Variants in MYO1C observed in about 807,000 individuals in gnomAD.
MYO1C encodes unconventional myosin-Ic.
MYO1C carries 104 observed loss-of-function variants against 150.8 expected under a neutral mutation model. The observed-to-expected ratio is 0.69, with a 90% CI of 0.59 to 0.81. The LOEUF is 0.81. MYO1C is among the 30% of genes least tolerant of loss of function. The probability of loss-of-function intolerance (pLI) is 0.00; values close to 1 mark genes in which losing one functional copy is unlikely to be tolerated. For synonymous variants in MYO1C, 663 were observed against 579.9 expected (o/e 1.14, Z -2.06); for missense variants, 1,504 against 1,435.0 (o/e 1.05, Z -0.78).
intron 25 of MYO1C, chr17:1,469,230 C>A: frequency 2.3e-6 from 1 of 433,308 alleles, no homozygotes; most frequent in South Asian, 2.1e-5. Flanking sequence ...TACGGTAGAC[C>A]GGGGTCAATA....
chr17:1,469,268 G>C (rs1041247729), intron 25 of MYO1C: 4 of 509,224 alleles, frequency 7.9e-6, no homozygotes, highest in Non-Finnish European at 1.1e-5. Context: ...ACAGTAGATT[G>C]CGGTAAATAG....
At chr17:1,476,797 T>A (rs920407397) in intron 14 of MYO1C, among the ~76,000 whole-genome samples, 9 of 151,710 alleles carry the variant, frequency 5.9e-5, no homozygotes, top group African/African-American at 2.2e-4. Context: ...AGTTTCATTC[T>A]CAAACAAGAA....
intron 1 of MYO1C, among the ~76,000 whole-genome samples, chr17:1,490,192 C>G (rs7218128): frequency 6.6e-6 from 1 of 151,510 alleles, no homozygotes; most frequent in Non-Finnish European, 1.5e-5. Context: ...CAAGTAGTCA[C>G]GACCTGCTAA....
chr17:1,466,855 G>A (rs922354246), intron 31 of MYO1C, among the ~76,000 whole-genome samples: 1 of 151,816 alleles, frequency 6.6e-6, no homozygotes, highest in African/African-American at 2.4e-5. Context: ...TCGAACTCCT[G>A]ATCTCGGGTG....
chr17:1,486,032 G>C (rs932255070), intron 1 of MYO1C: 1 of 152,564 alleles, frequency 6.6e-6, no homozygotes, highest in Non-Finnish European at 1.5e-5. Flanking sequence ...CGGCCGCCGC[G>C]TCTACACCGA....
rs140794995 is a variant in MYO1C, at chr17:1,470,661, G to C, written c.2241C>G (p.Gly747=). 53 of 1,609,250 alleles carry C rather than the reference G, an allele frequency of 3.3e-5. 1 individual carries two copies. In the African/African-American group the frequency reaches 6.5e-4, roughly 20 times the overall value. The change falls in exon 22 of 32, where the codon GGC becomes GGG. Residue 747 remains glycine, a synonymous_variant. Transcript: ENST00000648651. ...GGAGGAATTTCTGCCGCCAGTGAAA[G>C]CCCCTCCAGGCAGCTTGGATCTTTG... ...LATKIQAAWR[G]FHWRQKFLRV...
chr17:1,489,758 C>T (rs989342129), intron 1 of MYO1C, among the ~76,000 whole-genome samples: 1 of 151,860 alleles, frequency 6.6e-6, no homozygotes, highest in African/African-American at 2.4e-5. Flanking sequence ...AGTAAACGGC[C>T]CAGGAGCGGT....
At chr17:1,473,491 G>A (rs1379413875) in intron 17 of MYO1C, among the ~76,000 whole-genome samples, 1 of 150,908 alleles carries the variant, frequency 6.6e-6, no homozygotes, top group Non-Finnish European at 1.5e-5. Context: ...CAGCGGGCAG[G>A]GGCACAGTGA....
intron 1 of MYO1C, among the ~76,000 whole-genome samples, chr17:1,487,479 C>G (rs971881392): frequency 6.6e-6 from 1 of 152,156 alleles, no homozygotes; most frequent in East Asian, 1.9e-4. Context: ...TGCAACAACC[C>G]GGCCGGAGCG....
intron 25 of MYO1C, chr17:1,468,791 C>T (rs2074235906): frequency 5.8e-6 from 3 of 514,986 alleles, no homozygotes; most frequent in East Asian, 3.5e-5. Flanking sequence ...GACTCAGCTC[C>T]AGCTTGGGGT....
chr17:1,487,658 C>T (rs1348260297), intron 1 of MYO1C, among the ~76,000 whole-genome samples: 10 of 152,168 alleles, frequency 6.6e-5, no homozygotes, highest in Admixed American at 1.3e-4. Flanking sequence ...TGGCTCACGC[C>T]TGTAATCCCA....
intron 14 of MYO1C, 127 bp from the exon 15 acceptor site, chr17:1,475,159 G>GGCT: frequency 1.1e-6 from 1 of 900,178 alleles, no homozygotes; most frequent in Non-Finnish European, 1.8e-6. Flanking sequence ...AGTGGCTCAC[G>GGCT]GCTGTAATCC....
intron 1 of MYO1C, among the ~76,000 whole-genome samples, chr17:1,488,733 CAT>C (rs2074696496): frequency 6.6e-6 from 1 of 152,222 alleles, no homozygotes; most frequent in Non-Finnish European, 1.5e-5. Context: ...TATTATGTCA[CAT>C]GTGGGCTTTA....
Position 1,474,579 on chromosome 17 carries a change from A to AC in MYO1C, c.1797+30dup, listed in dbSNP as rs769816956. On this transcript the variant is annotated intron_variant, in intron 17 of 31. Coordinates refer to ENST00000648651, the MANE Select transcript of MYO1C (RefSeq NM_001080779.2). The stretch of plus-strand genomic sequence containing the variant: ...CCCTCATGCACACTCAGGCGCATGC[A>AC]CCCCTGCGCCCGGTCCCGCCACCTC... The AC allele has an allele frequency of 3.3e-4, 522 of 1,602,570 alleles. 1 individual carries two copies. Among genetic ancestry groups the AC allele is most frequent in the Non-Finnish European group, 3.3e-4 (382 of 1,171,508 alleles).
intron 14 of MYO1C, 55 bp downstream of exon 14, chr17:1,477,450 G>A (rs1382543707): frequency 7.2e-6 from 11 of 1,523,670 alleles, no homozygotes; most frequent in Admixed American, 3.4e-5. Flanking sequence ...CCTGCACTCC[G>A]CAGGCTCTGC....
chr17:1,476,914 C>T lies in MYO1C; in HGVS notation c.1574+591G>A, dbSNP rs1395663970. Among the ~76,000 whole-genome samples the T allele has an allele frequency of 3.3e-5, 5 of 151,974 alleles. No homozygotes were observed. In the East Asian group the frequency reaches 9.6e-4, roughly 29 times the overall value. On this transcript the variant is annotated intron_variant, in intron 14 of 31. Transcript: ENST00000648651. ...AGGGCAGTGGTGCGATCTCGGCTCA[C>T]TGCAACCTGCACCTCCCGGGTTCGA...
intron 1 of MYO1C, 66 bp from the exon 2 acceptor site, chr17:1,484,369 G>A (rs866507846): frequency 1.0e-5 from 16 of 1,576,554 alleles, no homozygotes; most frequent in African/African-American, 8.1e-5. Context: ...ACTTCCCTGC[G>A]CCTGTGGGAC....
chr17:1,479,089 G>A lies in MYO1C; in HGVS notation c.1092+342C>T, dbSNP rs929946687. 1.3e-5 allele frequency among the ~76,000 whole-genome samples: 2 copies of A among 152,110 alleles called. No individual in the cohort carries two copies. Among genetic ancestry groups the A allele is most frequent in the Admixed American group, 1.3e-4 (2 of 15,258 alleles). ...GGCTCACTGCAACCTCCACCTCCCGGGTTCAAGCGATTCTCCTGCCTCAGC... is the reference window on the plus strand; with the variant it reads ...GGCTCACTGCAACCTCCACCTCCCGAGTTCAAGCGATTCTCCTGCCTCAGC... On this transcript the variant is annotated intron_variant, in intron 9 of 31. Coordinates refer to ENST00000648651, the MANE Select transcript of MYO1C (RefSeq NM_001080779.2). The surrounding 1 kb of genome is among the most constrained non-coding windows in gnomAD (Gnocchi z 4.2).
chr17:1,478,969 A>G lies in MYO1C; in HGVS notation c.1093-234T>C, dbSNP rs1319650298. ...CTTCCCGAGGTGGGAGTCTGGTTCT[A>G]GCCGGACTGTTACTCTCTTCCTATG... On this transcript the variant is annotated intron_variant, in intron 9 of 31. Transcript: ENST00000648651. The surrounding 1 kb of genome is among the most constrained non-coding windows in gnomAD (Gnocchi z 6.3). Among the ~76,000 whole-genome samples, 1 of 152,132 alleles carries G rather than the reference A, an allele frequency of 6.6e-6. No individual in the cohort carries two copies. The highest frequency in any genetic ancestry group is 1.5e-5 in the Non-Finnish European group (1 of 68,012).
Sources: allele counts gnomAD v4.1 joint callset (sites outside exome capture counted in the v4.1 genomes callset), GRCh38; gene constraint gnomAD v4.1.1; non-coding constraint Gnocchi (gnomAD v3.1); transcripts MANE v1.5; gene names NCBI Gene and HGNC (gene_info 2026-07-23, HGNC 2026-07-21).